The following ARID5B variants were observed in gnomAD, a reference collection of about 807,000 sequenced individuals.
ARID5B encodes the protein AT-rich interactive domain-containing protein 5B.
Under a neutral mutation model 97.2 loss-of-function variants are expected in ARID5B, and 13 were observed. The ratio of observed to expected loss-of-function variants is 0.13; its 90% confidence interval spans 0.09 to 0.21. ARID5B has a LOEUF of 0.21. Ranked by LOEUF, ARID5B falls within the 10% of genes least tolerant of loss-of-function variation. The probability of loss-of-function intolerance (pLI) is 1.00; values close to 1 mark genes in which losing one functional copy is unlikely to be tolerated. For synonymous variants in ARID5B, 556 were observed against 570.3 expected, an observed-to-expected ratio of 0.97 and a Z score of 0.36; for missense variants, 1,210 against 1,465.3, an observed-to-expected ratio of 0.83 and a Z score of 2.84.
chr10:62,048,329 TG>T (rs1839738333), intron 4 of ARID5B, among the ~76,000 whole-genome samples: 1 of 152,194 alleles, frequency 6.6e-6, no homozygotes, highest in Non-Finnish European at 1.5e-5. Flanking sequence ...TTCTCCAGTC[TG>T]GTATAATAAT....
At chr10:62,071,673 A>G (rs1406140461) in intron 8 of ARID5B, among the ~76,000 whole-genome samples, 1 of 151,870 alleles carries the variant, frequency 6.6e-6, no homozygotes, top group African/African-American at 2.4e-5. Flanking sequence ...AAGATTGTGT[A>G]CTTTTGATTA....
At chr10:62,015,614 GT>G (rs1839273624) in intron 4 of ARID5B, among the ~76,000 whole-genome samples, 1 of 151,992 alleles carries the variant, frequency 6.6e-6, no homozygotes, top group Admixed American at 6.6e-5. Flanking sequence ...ACGGTGTGAG[GT>G]TTTTTGTTGT....
chr10:61,931,128 A>T (rs886763740), intron 2 of ARID5B, among the ~76,000 whole-genome samples: 1 of 152,210 alleles, frequency 6.6e-6, no homozygotes, highest in Non-Finnish European at 1.5e-5. Flanking sequence ...TGGGTTAGTG[A>T]CATAATACCA....
At chr10:61,996,551 A>G (rs1364268668) in intron 3 of ARID5B, among the ~76,000 whole-genome samples, 1 of 152,168 alleles carries the variant, frequency 6.6e-6, no homozygotes, top group East Asian at 1.9e-4. Flanking sequence ...TTGGGTGGTT[A>G]TAGTCTCAAA....
At chr10:62,087,498 T>C (rs1840306818) in intron 9 of ARID5B, among the ~76,000 whole-genome samples, 1 of 150,932 alleles carries the variant, frequency 6.6e-6, no homozygotes, top group African/African-American at 2.4e-5. Context: ...TGGGCTCCAT[T>C]TCAACATGAA....
At chr10:62,089,253 C>T (rs1276117070) in intron 9 of ARID5B, among the ~76,000 whole-genome samples, 1 of 149,712 alleles carries the variant, frequency 6.7e-6, no homozygotes. Flanking sequence ...GCTACTAGTA[C>T]AAAAAATAAA....
chr10:61,919,035 G>GC (rs1843959766), intron 2 of ARID5B, among the ~76,000 whole-genome samples: 2 of 42,918 alleles, frequency 4.7e-5, no homozygotes, highest in Non-Finnish European at 4.3e-5. Flanking sequence ...GCCTGACTCC[G>GC]TCCCCCCCCC....
At chr10:61,945,953 T>C (rs939911095) in intron 3 of ARID5B, among the ~76,000 whole-genome samples, 29 of 149,498 alleles carry the variant, frequency 1.9e-4, no homozygotes, top group African/African-American at 7.1e-4. Context: ...GGTTTTTGCT[T>C]GTTTATATGT....
intron 4 of ARID5B, chr10:62,049,261 C>A: frequency 7.1e-7 from 1 of 1,414,082 alleles, no homozygotes; most frequent in Non-Finnish European, 9.2e-7. Context: ...CAGGCTCATC[C>A]CACACACTCG....
intron 8 of ARID5B, among the ~76,000 whole-genome samples, chr10:62,080,342 T>C (rs1840195832): frequency 6.6e-6 from 1 of 152,248 alleles, no homozygotes; most frequent in Non-Finnish European, 1.5e-5. Context: ...GCTTTTACTG[T>C]GCTCAACCAG....
At chr10:61,934,492 G>T (rs897765935) in intron 2 of ARID5B, among the ~76,000 whole-genome samples, 21 of 152,124 alleles carry the variant, frequency 1.4e-4, no homozygotes, top group Non-Finnish European at 2.9e-5. Context: ...AAAGGGAGAG[G>T]CATGGGACTC....
chr10:61,923,459 G>C (rs1179277602), intron 2 of ARID5B, among the ~76,000 whole-genome samples: 1 of 152,208 alleles, frequency 6.6e-6, no homozygotes, highest in Non-Finnish European at 1.5e-5. Flanking sequence ...TAGGGGTTTT[G>C]TCTGTTTTAT....
chr10:62,008,653 C>G (rs973719171), intron 4 of ARID5B, among the ~76,000 whole-genome samples: 1 of 152,176 alleles, frequency 6.6e-6, no homozygotes, highest in African/African-American at 2.4e-5. Context: ...CCCTTGCTGT[C>G]CTTTGGTCTG....
chr10:62,068,954 G>A (rs1283153337), intron 7 of ARID5B, among the ~76,000 whole-genome samples: 1 of 152,128 alleles, frequency 6.6e-6, no homozygotes, highest in Non-Finnish European at 1.5e-5. Flanking sequence ...ACTCAATAAT[G>A]TACGTAGCTA....
chr10:62,045,695 C>T (rs932317676), intron 4 of ARID5B, among the ~76,000 whole-genome samples: 4 of 152,152 alleles, frequency 2.6e-5, no homozygotes, highest in South Asian at 4.2e-4. Flanking sequence ...GTGATCCACC[C>T]GCCTCAGCCT....
chr10:62,052,408 A>G (rs1013197613), intron 5 of ARID5B, among the ~76,000 whole-genome samples: 1 of 152,230 alleles, frequency 6.6e-6, no homozygotes, highest in Non-Finnish European at 1.5e-5. Context: ...TTTCAAGACC[A>G]TAACATTCAG....
At chr10:61,909,935 C>T (rs1232968435) in intron 2 of ARID5B, among the ~76,000 whole-genome samples, 3 of 152,198 alleles carry the variant, frequency 2.0e-5, no homozygotes, top group Non-Finnish European at 2.9e-5. Flanking sequence ...ATTTTCCAGT[C>T]TCAGCAGTCA....
chr10:61,996,895 AAT>A (rs367939798), intron 3 of ARID5B, among the ~76,000 whole-genome samples: 4,965 of 146,172 alleles, frequency 0.034, 97 homozygotes, highest in Middle Eastern at 0.052. Context: ...GAAAAAAAAA[AAT>A]ATATATATAT....
At chr10:61,962,053 C>A (rs997564039) in intron 3 of ARID5B, among the ~76,000 whole-genome samples, 3 of 152,162 alleles carry the variant, frequency 2.0e-5, no homozygotes, top group African/African-American at 4.8e-5. Context: ...CCGGCCTTCT[C>A]GGCAATTTCT....
Sources: allele counts gnomAD v4.1 joint callset (sites outside exome capture counted in the v4.1 genomes callset), GRCh38; gene constraint gnomAD v4.1.1; transcripts MANE v1.5; gene names NCBI Gene and HGNC (gene_info 2026-07-23, HGNC 2026-07-21).